The following TSHZ3 variants were observed in gnomAD, a reference collection of about 807,000 sequenced individuals.
TSHZ3 encodes the protein teashirt homolog 3.
Under a neutral mutation model 64.5 loss-of-function variants are expected in TSHZ3, and 10 were observed. The observed-to-expected ratio is 0.16, with a 90% CI of 0.10 to 0.26. The LOEUF (loss-of-function observed/expected upper bound fraction) is 0.26, where lower values mean the gene tolerates loss of function less well. Ranked by LOEUF, TSHZ3 falls within the 10% of genes least tolerant of loss-of-function variation. The pLI is 1.00. For missense variants in TSHZ3, 1,242 were observed against 1,421.7 expected (o/e 0.87, Z 2.03); for synonymous variants, 608 against 593.1 (o/e 1.03, Z -0.36).
chr19:31,293,437 T>C (rs796299272), intron 1 of TSHZ3, among the ~76,000 whole-genome samples: 19 of 152,228 alleles, frequency 1.2e-4, no homozygotes, highest in African/African-American at 4.6e-4. Context: ...ACAGAGATGC[T>C]AGTCTTCCCT....
At chr19:31,168,006 G>T (rs1235573175) in intron 5 of TSHZ3, among the ~76,000 whole-genome samples, 1 of 152,154 alleles carries the variant, frequency 6.6e-6, no homozygotes, top group African/African-American at 2.4e-5. Context: ...TTTTATATCT[G>T]CCTGTAAAAG....
chr19:31,264,379 T>C (rs1322102597), intron 1 of TSHZ3, among the ~76,000 whole-genome samples: 6 of 152,300 alleles, frequency 3.9e-5, no homozygotes, highest in African/African-American at 1.4e-4. Flanking sequence ...CCTTAATGCA[T>C]TGGGAATTAG....
At chr19:31,193,067 G>A (rs964266318) in intron 5 of TSHZ3, among the ~76,000 whole-genome samples, 3 of 152,104 alleles carry the variant, frequency 2.0e-5, no homozygotes, top group Non-Finnish European at 2.9e-5. Context: ...TGCCTGTGTG[G>A]CACAGGGAGG....
chr19:31,203,712 C>T (rs1054577947), intron 5 of TSHZ3, among the ~76,000 whole-genome samples: 1 of 152,090 alleles, frequency 6.6e-6, no homozygotes, highest in African/African-American at 2.4e-5. Context: ...CAGAGGGAAA[C>T]GATGGGTGGT....
rs1215392087 is a variant in TSHZ3, at chr19:31,196,045, T to C, written n.809+8911A>G. On this transcript the variant is annotated intron_variant and non_coding_transcript_variant, in intron 5 of 6. Coordinates refer to the TSHZ3 transcript ENST00000651361. The stretch of plus-strand genomic sequence containing the variant: ...GCAATACAGTATTATAATATTATGG[T>C]TGACCAAAACATAAGGCATGACATT... Among the ~76,000 whole-genome samples the C allele has an allele frequency of 2.0e-5, 3 of 151,870 alleles. No homozygotes were observed. In the East Asian group the frequency reaches 5.8e-4, roughly 29 times the overall value.
Position 31,346,429 on chromosome 19 carries a change from C to T in TSHZ3, c.40+2751G>A, listed in dbSNP as rs74630589. 8.4e-3 allele frequency among the ~76,000 whole-genome samples: 1,278 copies of T among 152,324 alleles called. 22 individuals are homozygous for T. The highest frequency in any genetic ancestry group is 0.029 in the African/African-American group (1,185 of 41,560). On this transcript the variant is annotated intron_variant, in intron 1 of 1. Coordinates refer to ENST00000240587, the MANE Select transcript of TSHZ3 (RefSeq NM_020856.4). The stretch of plus-strand genomic sequence containing the variant: ...CTAATTCTGCTGGATGACACTGCGT[C>T]GAGCTTGTCATCTCCAATCATTAAA...
intron 1 of TSHZ3, among the ~76,000 whole-genome samples, chr19:31,281,337 A>C (rs1237557015): frequency 6.6e-6 from 1 of 152,098 alleles, no homozygotes; most frequent in African/African-American, 2.4e-5. Flanking sequence ...TTTGCTCCTA[A>C]GCCCCCTACT....
intron 4 of TSHZ3, among the ~76,000 whole-genome samples, chr19:31,224,300 T>C (rs1224604423): frequency 2.6e-5 from 4 of 152,238 alleles, no homozygotes; most frequent in Non-Finnish European, 5.9e-5. Flanking sequence ...GCGGGAGTTA[T>C]AGTCAACCAT....
chr19:31,282,870 T>C (rs1265469317), intron 1 of TSHZ3, among the ~76,000 whole-genome samples: 1 of 152,222 alleles, frequency 6.6e-6, no homozygotes, highest in Admixed American at 6.5e-5. Context: ...ACCCCACTCC[T>C]GACCATGTCA....
At chr19:31,212,675 A>C (rs1975274459) in intron 4 of TSHZ3, among the ~76,000 whole-genome samples, 1 of 152,126 alleles carries the variant, frequency 6.6e-6, no homozygotes, top group Non-Finnish European at 1.5e-5. Flanking sequence ...TGGAACAGCC[A>C]CTTGGAAGAC....
chr19:31,254,512 T>C (rs1975883554), intron 1 of TSHZ3, among the ~76,000 whole-genome samples: 1 of 152,218 alleles, frequency 6.6e-6, no homozygotes, highest in Non-Finnish European at 1.5e-5. Flanking sequence ...TCGCCCTCTC[T>C]GAGAGTGCAC....
At chr19:31,261,701 G>GTGGAGC (rs1267364796) in intron 1 of TSHZ3, among the ~76,000 whole-genome samples, 1 of 152,144 alleles carries the variant, frequency 6.6e-6, no homozygotes, top group African/African-American at 2.4e-5. Flanking sequence ...TACGTTACAA[G>GTGGAGC]TGGAGCTGGG....
chr19:31,172,159 G>T (rs540921320), intron 5 of TSHZ3, among the ~76,000 whole-genome samples: 1 of 152,280 alleles, frequency 6.6e-6, no homozygotes, highest in East Asian at 1.9e-4. Flanking sequence ...AAGGGCGGCC[G>T]ACCAAGATTT....
At chr19:31,263,592 C>T (rs1477402431) in intron 1 of TSHZ3, among the ~76,000 whole-genome samples, 1 of 152,128 alleles carries the variant, frequency 6.6e-6, no homozygotes, top group Non-Finnish European at 1.5e-5. Flanking sequence ...CTGCATGGGG[C>T]CACTTCCTGC....
At chr19:31,307,533 TA>T (rs1916336074) in intron 1 of TSHZ3, among the ~76,000 whole-genome samples, 1 of 152,116 alleles carries the variant, frequency 6.6e-6, no homozygotes. Context: ...ACCCCACAAA[TA>T]AAACCGCGTG....
At chr19:31,342,447 C>G (rs893683175) in intron 1 of TSHZ3, among the ~76,000 whole-genome samples, 32 of 152,076 alleles carry the variant, frequency 2.1e-4, no homozygotes, top group African/African-American at 7.7e-4. Context: ...TTAATCCACC[C>G]AACCAATGTT....
At position 31,277,466 on chromosome 19, in the gene TSHZ3, T is replaced by C. The variant is rs202051606; in HGVS notation, c.2327A>G (p.His776Arg). 2.6e-5 allele frequency: 42 copies of C among 1,613,596 alleles called. No homozygotes were observed. Among genetic ancestry groups the C allele is most frequent in the Middle Eastern group, 3.3e-4 (2 of 6,062 alleles). The change falls in exon 2 of 2, where the codon CAC (histidine) becomes CGC (arginine). Residue 776 changes from histidine to arginine, a missense_variant. By Grantham distance (29) the His-to-Arg change is conservative. Transcript: ENST00000240587. This position sits in a 1 kb window ranked among gnomAD's most constrained non-coding sequence, Gnocchi z 4.5. ...GACGTGGTAGAAATAGCGGTCGAGG[T>C]GGTCTGCCTTCTTGGACTGCAGGGG... ...PPPLQSKKAD[H>R]LDRYFYHVNN... is the part of the protein sequence containing the mutation.
intron 4 of TSHZ3, among the ~76,000 whole-genome samples, chr19:31,224,272 C>G (rs1329202734): frequency 6.6e-6 from 1 of 152,174 alleles, no homozygotes; most frequent in Admixed American, 6.5e-5. Context: ...ACTAAAGTCC[C>G]TCCCTAGGGA....
chr19:31,195,254 C>T (rs1974968913), intron 5 of TSHZ3, among the ~76,000 whole-genome samples: 1 of 151,828 alleles, frequency 6.6e-6, no homozygotes, highest in Non-Finnish European at 1.5e-5. Flanking sequence ...CAGAGAACAC[C>T]AATCAGGAAA....
Sources: allele counts gnomAD v4.1 joint callset (sites outside exome capture counted in the v4.1 genomes callset), GRCh38; gene constraint gnomAD v4.1.1; non-coding constraint Gnocchi (gnomAD v3.1); transcripts MANE v1.5; gene names NCBI Gene and HGNC (gene_info 2026-07-23, HGNC 2026-07-21).